The following MANBA variants were observed in gnomAD, a reference collection of about 807,000 sequenced individuals.
MANBA encodes mannosidase beta, also known as beta-mannosidase.
MANBA carries 83 observed loss-of-function variants against 111.1 expected under a neutral mutation model. That is an observed-to-expected ratio of 0.75 (90% CI 0.63 to 0.90). The LOEUF is 0.90. MANBA is among the 40% of genes least tolerant of loss of function. The pLI, the probability that MANBA is intolerant of heterozygous loss-of-function variation, is 0.00. For missense variants in MANBA, 1,036 were observed against 1,069.0 expected (o/e 0.97, Z 0.43); for synonymous variants, 370 against 378.7 (o/e 0.98, Z 0.27).
At chr4:102,721,579 T>C (rs1384374660) in intron 4 of MANBA, among the ~76,000 whole-genome samples, 1 of 152,208 alleles carries the variant, frequency 6.6e-6, no homozygotes, top group African/African-American at 2.4e-5. Flanking sequence ...GAATGGTATG[T>C]TATTCAGCCT....
intron 5 of MANBA, among the ~76,000 whole-genome samples, chr4:102,691,921 G>C (rs1385221945): frequency 1.3e-5 from 2 of 152,186 alleles, no homozygotes; most frequent in Admixed American, 1.3e-4. Context: ...GAAGGCCCAT[G>C]AGTGAGACAG....
intron 4 of MANBA, among the ~76,000 whole-genome samples, chr4:102,721,086 G>T (rs767422463): frequency 1.3e-5 from 2 of 152,300 alleles, no homozygotes; most frequent in Middle Eastern, 3.4e-3. Flanking sequence ...CACTTTGGGA[G>T]GCCGAGGCGG....
intron 9 of MANBA, among the ~76,000 whole-genome samples, chr4:102,669,927 C>T (rs1350882152): frequency 6.6e-6 from 1 of 151,974 alleles, no homozygotes; most frequent in African/African-American, 2.4e-5. Context: ...TTGCAGTGAG[C>T]CAAGATTGTG....
chr4:102,736,197 T>G (rs1272666835), intron 1 of MANBA, among the ~76,000 whole-genome samples: 1 of 152,212 alleles, frequency 6.6e-6, no homozygotes, highest in East Asian at 1.9e-4. Context: ...ATATACTTAG[T>G]CATTACCTAG....
intron 1 of MANBA, among the ~76,000 whole-genome samples, chr4:102,749,672 G>A (rs1014120126): frequency 1.3e-5 from 2 of 152,192 alleles, no homozygotes; most frequent in African/African-American, 4.8e-5. Context: ...TAACTTTGCT[G>A]AGCCTCAGTC....
intron 1 of MANBA, among the ~76,000 whole-genome samples, chr4:102,753,384 G>A (rs1307464906): frequency 6.6e-6 from 1 of 151,714 alleles, no homozygotes; most frequent in African/African-American, 2.4e-5. Flanking sequence ...ACATAAATAC[G>A]TATTTTTAAA....
At chr4:102,732,081 G>T (rs943500796) in intron 1 of MANBA, among the ~76,000 whole-genome samples, 2 of 151,978 alleles carry the variant, frequency 1.3e-5, no homozygotes, top group Non-Finnish European at 2.9e-5. Flanking sequence ...CTAATTTTTT[G>T]TGTGTTTTTA....
At chr4:102,670,254 T>C (rs1731435174) in intron 9 of MANBA, among the ~76,000 whole-genome samples, 1 of 151,084 alleles carries the variant, frequency 6.6e-6, no homozygotes, top group Admixed American at 6.6e-5. Flanking sequence ...TTGGATAAAA[T>C]ATATAACCTC....
chr4:102,750,826 T>C (rs929846961), intron 1 of MANBA, among the ~76,000 whole-genome samples: 1 of 152,070 alleles, frequency 6.6e-6, no homozygotes, highest in Non-Finnish European at 1.5e-5. Context: ...GGTGGGAGGA[T>C]AGCTTGAGTC....
intron 13 of MANBA, among the ~76,000 whole-genome samples, chr4:102,649,230 A>G (rs1157809583): frequency 6.6e-6 from 1 of 152,178 alleles, no homozygotes; most frequent in Non-Finnish European, 1.5e-5. Context: ...TGAGATATCC[A>G]TTGGTGGACA....
chr4:102,760,343 C>G (rs1458920321), intron 1 of MANBA, among the ~76,000 whole-genome samples: 1 of 152,120 alleles, frequency 6.6e-6, no homozygotes. Flanking sequence ...CGCTGTTGTC[C>G]CCTGTGGCGT....
chr4:102,724,000 G>T, intron 2 of MANBA, 33 bp from the exon 3 acceptor site: 1 of 1,175,176 alleles, frequency 8.5e-7, no homozygotes, highest in Non-Finnish European at 1.3e-6. Context: ...AAAACAAGAT[G>T]TGTAAAGCAT....
intron 7 of MANBA, among the ~76,000 whole-genome samples, chr4:102,683,761 T>C (rs916394151): frequency 3.3e-5 from 5 of 152,200 alleles, no homozygotes; most frequent in African/African-American, 1.2e-4. Flanking sequence ...CATTCTAAGG[T>C]CCCTCAGGCA....
At chr4:102,686,829 T>C (rs533937347) in intron 7 of MANBA, among the ~76,000 whole-genome samples, 115 of 152,282 alleles carry the variant, frequency 7.6e-4, no homozygotes, top group African/African-American at 2.6e-3. Flanking sequence ...CTAGCTCTTT[T>C]CTCTGTGCCA....
intron 13 of MANBA, among the ~76,000 whole-genome samples, chr4:102,646,445 A>T (rs1396586697): frequency 3.3e-5 from 5 of 152,156 alleles, no homozygotes; most frequent in Non-Finnish European, 7.4e-5. Context: ...AGTTACTTAC[A>T]GCACAGGAAG....
At chr4:102,720,831 T>C (rs553342190) in intron 4 of MANBA, among the ~76,000 whole-genome samples, 1 of 152,288 alleles carries the variant, frequency 6.6e-6, no homozygotes, top group East Asian at 1.9e-4. Context: ...GACACAAGTT[T>C]AGGTAGGTTG....
chr4:102,729,026 GC>G, intron 1 of MANBA: 1 of 969,614 alleles, frequency 1.0e-6, no homozygotes, highest in Non-Finnish European at 1.7e-6. Context: ...GATGTCCAGG[GC>G]CAGCTTGATG....
At chr4:102,743,022 C>T (rs1723463306) in intron 1 of MANBA, among the ~76,000 whole-genome samples, 1 of 152,176 alleles carries the variant, frequency 6.6e-6, no homozygotes, top group Non-Finnish European at 1.5e-5. Flanking sequence ...TGTTCATGGG[C>T]CCATTGGGCA....
chr4:102,668,875 CA>C, intron 10 of MANBA, 87 bp downstream of exon 10: 1 of 1,163,750 alleles, frequency 8.6e-7, no homozygotes, highest in Non-Finnish European at 1.3e-6. Context: ...TAGTAGAGAA[CA>C]AAAACCAAAA....
Sources: allele counts gnomAD v4.1 joint callset (sites outside exome capture counted in the v4.1 genomes callset), GRCh38; gene constraint gnomAD v4.1.1; transcripts MANE v1.5; gene names NCBI Gene and HGNC (gene_info 2026-07-23, HGNC 2026-07-21).